Variants in LRP1B observed in about 807,000 individuals in gnomAD.
LRP1B encodes low-density lipoprotein receptor-related protein 1B.
In LRP1B, 217 loss-of-function variants were observed where a neutral mutation model predicts 556.6. The ratio of observed to expected loss-of-function variants is 0.39; its 90% CI spans 0.35 to 0.44. The LOEUF is 0.44. Among genes scored for constraint, LRP1B ranks in the 20% least tolerant of loss-of-function variants. LRP1B has a pLI of 1.00. For missense variants in LRP1B, 5,053 were observed against 5,620.8 expected, an observed-to-expected ratio of 0.90 and a Z score of 3.23; for synonymous variants, 2,047 against 1,865.8, an observed-to-expected ratio of 1.10 and a Z score of -2.50.
intron 32 of LRP1B, among the ~76,000 whole-genome samples, chr2:140,807,710 A>G (rs983312518): frequency 2.6e-5 from 4 of 152,158 alleles, no homozygotes; most frequent in African/African-American, 9.7e-5. Flanking sequence ...ATACTTAGAA[A>G]AAATATCTAA....
intron 77 of LRP1B, among the ~76,000 whole-genome samples, chr2:140,341,358 C>T (rs745535108): frequency 2.0e-5 from 3 of 151,388 alleles, no homozygotes; most frequent in Non-Finnish European, 4.4e-5. Flanking sequence ...AAAGGGGTCA[C>T]CTTGTAGGCT....
intron 7 of LRP1B, among the ~76,000 whole-genome samples, chr2:141,125,854 A>AAAC (rs1558878132): frequency 6.7e-6 from 1 of 148,910 alleles, no homozygotes; most frequent in African/African-American, 2.5e-5. Context: ...CAAAAAAAAA[A>AAAC]AAAAAAACAA....
At chr2:140,940,745 C>T (rs1231243462) in intron 20 of LRP1B, among the ~76,000 whole-genome samples, 1 of 152,038 alleles carries the variant, frequency 6.6e-6, no homozygotes, top group African/African-American at 2.4e-5. Flanking sequence ...GTGCATGTAT[C>T]ATTATAATAG....
At chr2:141,749,372 A>G (rs932112891) in intron 2 of LRP1B, among the ~76,000 whole-genome samples, 2 of 152,128 alleles carry the variant, frequency 1.3e-5, no homozygotes, top group Admixed American at 6.6e-5. Context: ...AATTAACCCC[A>G]ACTTTAGAGA....
chr2:141,116,552 C>G (rs1045924743), intron 7 of LRP1B, among the ~76,000 whole-genome samples: 2 of 152,092 alleles, frequency 1.3e-5, no homozygotes, highest in African/African-American at 4.8e-5. Flanking sequence ...TAATTACTAA[C>G]TTAGTAGGCT....
intron 2 of LRP1B, among the ~76,000 whole-genome samples, chr2:141,801,839 A>C (rs4352182): frequency 0.19 from 28,591 of 152,100 alleles, 3,085 homozygotes; most frequent in East Asian, 0.39. Context: ...AAATTTAAGA[A>C]ATTTTTAATT....
intron 3 of LRP1B, among the ~76,000 whole-genome samples, chr2:141,277,189 T>TA (rs997601701): frequency 1.7e-5 from 2 of 115,800 alleles, no homozygotes; most frequent in Non-Finnish European, 4.0e-5. Flanking sequence ...GATAGTTCTG[T>TA]TTCAAGCTAT....
chr2:141,365,967 C>G (rs1309431437), intron 3 of LRP1B, among the ~76,000 whole-genome samples: 1 of 152,096 alleles, frequency 6.6e-6, no homozygotes. Flanking sequence ...GCCACCGCAC[C>G]CGGCCAACAA....
chr2:140,819,069 A>C (rs540910350), intron 31 of LRP1B, among the ~76,000 whole-genome samples: 1 of 152,240 alleles, frequency 6.6e-6, no homozygotes, highest in African/African-American at 2.4e-5. Flanking sequence ...GCCTTGTCTA[A>C]GTATTTCTGG....
At chr2:141,607,156 C>A (rs1215224687) in intron 2 of LRP1B, among the ~76,000 whole-genome samples, 5 of 148,524 alleles carry the variant, frequency 3.4e-5, no homozygotes, top group African/African-American at 1.3e-4. Flanking sequence ...ATTACTTTGA[C>A]AAAAAAAAAA....
chr2:142,082,466 AC>A lies in LRP1B; in HGVS notation c.82+48181del, dbSNP rs1454659144. 2.6e-5 allele frequency among the ~76,000 whole-genome samples: 4 copies of A among 152,302 alleles called. No homozygotes were observed. In the East Asian group the frequency reaches 7.7e-4, roughly 29 times the overall value. On this transcript the variant is annotated intron_variant, in intron 1 of 90. Transcript: ENST00000389484. The stretch of plus-strand genomic sequence containing the variant: ...TAGTGGCATGATTCACCAAATGCAA[AC>A]CCTGGGGATCCAAGTCCAGCCCTAA...
At chr2:140,993,371 C>A (rs1442688972) in intron 16 of LRP1B, among the ~76,000 whole-genome samples, 2 of 152,034 alleles carry the variant, frequency 1.3e-5, no homozygotes, top group Non-Finnish European at 2.9e-5. Context: ...GTTTTCCTAA[C>A]ACATATGTGA....
chr2:141,815,572 C>G (rs1182091595), intron 1 of LRP1B, among the ~76,000 whole-genome samples: 2 of 152,042 alleles, frequency 1.3e-5, no homozygotes, highest in East Asian at 1.9e-4. Context: ...GTAAAATGCA[C>G]CAATCAGCAC....
At chr2:141,043,861 T>C (rs908934320) in intron 11 of LRP1B, among the ~76,000 whole-genome samples, 1 of 151,996 alleles carries the variant, frequency 6.6e-6, no homozygotes, top group African/African-American at 2.4e-5. Flanking sequence ...AGTCTTAAGA[T>C]TCAATGCCAT....
chr2:141,371,976 C>T (rs1313601117), intron 3 of LRP1B, among the ~76,000 whole-genome samples: 1 of 152,008 alleles, frequency 6.6e-6, no homozygotes, highest in Non-Finnish European at 1.5e-5. Flanking sequence ...TCACCTTTTC[C>T]CCACTTAGTA....
At chr2:141,664,310 C>T (rs1036774273) in intron 2 of LRP1B, among the ~76,000 whole-genome samples, 1 of 152,194 alleles carries the variant, frequency 6.6e-6, no homozygotes, top group African/African-American at 2.4e-5. Flanking sequence ...CACAAGGATG[C>T]CCTCTCTGAC....
At chr2:141,131,947 T>A (rs1701369994) in intron 7 of LRP1B, among the ~76,000 whole-genome samples, 1 of 151,932 alleles carries the variant, frequency 6.6e-6, no homozygotes, top group Non-Finnish European at 1.5e-5. Flanking sequence ...CCGAGCAGTA[T>A]ACGTTGAACC....
intron 32 of LRP1B, 122 bp downstream of exon 32, chr2:140,813,535 G>A: frequency 1.3e-6 from 1 of 786,596 alleles, no homozygotes; most frequent in Non-Finnish European, 2.1e-6. Context: ...TCATAGAAGT[G>A]TTCAATTTGA....
At chr2:140,755,744 T>C in intron 35 of LRP1B, among the ~76,000 whole-genome samples, 1 of 151,984 alleles carries the variant, frequency 6.6e-6, no homozygotes, top group East Asian at 1.9e-4. Flanking sequence ...GACTGGATAT[T>C]TACCCCTTAA....
Sources: gnomAD v4.1 joint callset for allele counts (sites outside exome capture counted in the v4.1 genomes callset) on GRCh38, gnomAD v4.1.1 for gene constraint, MANE v1.5 for transcripts, NCBI Gene and HGNC (gene_info 2026-07-23, HGNC 2026-07-21) for gene names.